SYCP1: variants seen among roughly 807,000 people sequenced by gnomAD.
SYCP1 encodes synaptonemal complex protein 1.
A neutral mutation model predicts 153.1 loss-of-function variants in SYCP1; 64 were observed. The ratio of observed to expected loss-of-function variants is 0.42; its 90% CI spans 0.34 to 0.51. The LOEUF (loss-of-function observed/expected upper bound fraction) is 0.51, where lower values mean the gene tolerates loss of function less well. Among genes scored for constraint, SYCP1 ranks in the 20% least tolerant of loss-of-function variants. SYCP1 has a pLI of 0.06. For synonymous variants in SYCP1, 384 were observed against 341.8 expected, an observed-to-expected ratio of 1.12 and a Z score of -1.36; for missense variants, 997 against 1,049.0, an observed-to-expected ratio of 0.95 and a Z score of 0.68.
At chr1:114,989,239 G>GT in intron 30 of SYCP1, among the ~76,000 whole-genome samples, 1 of 151,958 alleles carries the variant, frequency 6.6e-6, no homozygotes, top group East Asian at 1.9e-4. Context: ...TAGGGGCAGA[G>GT]TTTTTATAGG....
intron 15 of SYCP1, among the ~76,000 whole-genome samples, chr1:114,892,241 G>T (rs1218564547): frequency 6.6e-6 from 1 of 152,120 alleles, no homozygotes; most frequent in Non-Finnish European, 1.5e-5. Flanking sequence ...GGTGGGCAGG[G>T]GTGGGGTGAT....
intron 11 of SYCP1, chr1:114,877,026 A>C (rs780312138): frequency 8.3e-6 from 2 of 239,524 alleles, no homozygotes; most frequent in Non-Finnish European, 1.7e-5. Context: ...TTAATCAATT[A>C]TTCTTCTATA....
chr1:114,970,802 C>G (rs570599254), intron 27 of SYCP1, among the ~76,000 whole-genome samples: 1 of 152,284 alleles, frequency 6.6e-6, no homozygotes, highest in African/African-American at 2.4e-5. Context: ...AGCACCTTCT[C>G]CAGTGGAGGT....
chr1:114,969,398 C>A (rs2101907790), intron 27 of SYCP1, among the ~76,000 whole-genome samples: 1 of 152,230 alleles, frequency 6.6e-6, no homozygotes, highest in East Asian at 1.9e-4. Context: ...CTGTGGTGGG[C>A]TCTGCTTAGT....
At chr1:114,985,629 C>T (rs1673448539) in intron 30 of SYCP1, among the ~76,000 whole-genome samples, 1 of 151,796 alleles carries the variant, frequency 6.6e-6, no homozygotes, top group African/African-American at 2.4e-5. Flanking sequence ...TTGGGACCTT[C>T]TATTTTCATT....
chr1:114,964,756 T>C (rs1236588706), intron 27 of SYCP1, among the ~76,000 whole-genome samples: 3 of 152,242 alleles, frequency 2.0e-5, no homozygotes, highest in African/African-American at 7.2e-5. Flanking sequence ...CATGCTGTTT[T>C]GGTTACTGAG....
intron 20 of SYCP1, among the ~76,000 whole-genome samples, chr1:114,919,736 A>G (rs1325031657): frequency 1.3e-5 from 2 of 151,932 alleles, no homozygotes; most frequent in Non-Finnish European, 2.9e-5. Context: ...GGAGGGTTGT[A>G]TGTGTCTAGG....
At chr1:114,946,133 C>T (rs1670689371) in intron 25 of SYCP1, among the ~76,000 whole-genome samples, 156 bp from the exon 26 acceptor site, 1 of 151,566 alleles carries the variant, frequency 6.6e-6, no homozygotes, top group South Asian at 2.1e-4. Flanking sequence ...AATATATACC[C>T]ATATATATTA....
intron 27 of SYCP1, among the ~76,000 whole-genome samples, chr1:114,956,831 TTAGAATCAC>T (rs1175262531): frequency 1.4e-5 from 2 of 147,638 alleles, no homozygotes; most frequent in African/African-American, 5.0e-5. Flanking sequence ...ACCAGACTTC[TTAGAATCAC>T]TAGAATCACT....
intron 27 of SYCP1, among the ~76,000 whole-genome samples, chr1:114,951,476 T>A (rs1261164412): frequency 6.6e-6 from 1 of 152,220 alleles, no homozygotes; most frequent in Admixed American, 6.5e-5. Flanking sequence ...CTTTACAAAA[T>A]ATTTAATAGT....
At chr1:114,970,242 T>C (rs760197871) in intron 27 of SYCP1, among the ~76,000 whole-genome samples, 10 of 152,244 alleles carry the variant, frequency 6.6e-5, no homozygotes, top group Non-Finnish European at 7.3e-5. Context: ...TCTGTAAGCA[T>C]GTCTTTCATT....
At position 114,858,463 on chromosome 1, in the gene SYCP1, G is replaced by A. The variant is rs528703158; in HGVS notation, c.292-84G>A. ...AGGAGATATTTGGTCTCAACTATTA[G>A]TATATGGATATTTTCAGTAGGCAGC... On this transcript the variant is annotated intron_variant, in intron 5 of 31. Coordinates refer to ENST00000369522, the MANE Select transcript of SYCP1 (RefSeq NM_003176.4). 9.4e-6 allele frequency: 11 copies of A among 1,167,592 alleles called. No individual in the cohort carries two copies. The African/African-American group carries it at 1.2e-4, about 13-fold the overall frequency. The allele number at this position is 1,167,592 out of a possible 1,614,324, so 72.3% of individuals were successfully genotyped here. A position where few individuals can be genotyped will look rare whatever the true frequency, so the allele number is the denominator to read the frequency against.
intron 15 of SYCP1, among the ~76,000 whole-genome samples, chr1:114,889,866 A>T (rs979639722): frequency 3.3e-5 from 5 of 152,006 alleles, no homozygotes; most frequent in African/African-American, 9.7e-5. Flanking sequence ...ATCCATCTTG[A>T]GTTAATTTTT....
chr1:114,971,959 C>T (rs966220464), intron 27 of SYCP1, among the ~76,000 whole-genome samples: 8 of 152,062 alleles, frequency 5.3e-5, no homozygotes, highest in Non-Finnish European at 1.2e-4. Flanking sequence ...AACCCCCTCT[C>T]CTCTATTTTT....
intron 28 of SYCP1, among the ~76,000 whole-genome samples, chr1:114,978,418 C>G (rs548985250): frequency 1.3e-5 from 2 of 151,650 alleles, no homozygotes; most frequent in South Asian, 4.1e-4. Context: ...AATTTTTTCT[C>G]CCCTAAGGAA....
chr1:114,984,837 A>G lies in SYCP1; in HGVS notation c.2672A>G (p.Asn891Ser), dbSNP rs753865794. Residue 891 changes from asparagine (N) to serine (S), a missense_variant, in exon 30 of 32, where the codon AAT becomes AGT. This residue lies in a region of SYCP1 where 712 missense variants were observed against 682.9 expected (regional missense o/e 1.04). Coordinates refer to ENST00000369522, the MANE Select transcript of SYCP1 (RefSeq NM_003176.4). ...AAAATGGCCTTTGAATTTGATATTA[A>G]TTCAGATAGTTCAGAAACTACTGAT... Reference protein sequence around the residue: ...KRKMAFEFDINSDSSETTDLL... With the variant: ...KRKMAFEFDISSDSSETTDLL... 5 of 1,471,706 alleles carry G rather than the reference A, an allele frequency of 3.4e-6. No homozygotes were observed. The South Asian group carries it at 5.6e-5, about 17-fold the overall frequency. 91.2% of individuals were successfully genotyped at this position (1,471,706 alleles called of 1,614,324 possible).
At chr1:114,963,027 C>G (rs1671878217) in intron 27 of SYCP1, among the ~76,000 whole-genome samples, 2 of 152,186 alleles carry the variant, frequency 1.3e-5, no homozygotes, top group African/African-American at 4.8e-5. Context: ...AAGGTTTCTG[C>G]TGAGAAGTCT....
chr1:114,857,693 TA>T (rs1664102319), intron 5 of SYCP1, among the ~76,000 whole-genome samples, 196 bp downstream of exon 5: 1 of 152,134 alleles, frequency 6.6e-6, no homozygotes, highest in Non-Finnish European at 1.5e-5. Flanking sequence ...AATTTAATTT[TA>T]AACCATGAAA....
At chr1:114,987,237 C>T (rs758796845) in intron 30 of SYCP1, among the ~76,000 whole-genome samples, 66 of 152,026 alleles carry the variant, frequency 4.3e-4, no homozygotes, top group Non-Finnish European at 6.5e-4. Context: ...AAGCTTTTAT[C>T]TCAGGCTGAT....
Sources: gnomAD v4.1 joint callset for allele counts (sites outside exome capture counted in the v4.1 genomes callset) on GRCh38, gnomAD v4.1.1 for gene constraint, gnomAD v4.1.1 regional missense constraint, MANE v1.5 for transcripts, NCBI Gene and HGNC (gene_info 2026-07-23, HGNC 2026-07-21) for gene names.